The following ZNF469 variants were observed in gnomAD, a reference collection of about 807,000 sequenced individuals.
ZNF469 encodes the protein zinc finger protein 469.
A neutral mutation model predicts 1.0 loss-of-function variants in ZNF469; 1 was observed. That is an observed-to-expected ratio of 1.00 (90% CI 0.35 to 4.73). The LOEUF (loss-of-function observed/expected upper bound fraction) is 4.73. ZNF469 is among the 30% of genes most tolerant of loss of function. The pLI, the probability that ZNF469 is intolerant of heterozygous loss-of-function variation, is 0.16. For synonymous variants in ZNF469, 2,703 were observed against 2,363.4 expected (o/e 1.14, Z -4.17); for missense variants, 6,100 against 5,356.3 (o/e 1.14, Z -4.33).
chr16:88,192,988 ATGGTGG>A, the ZNF469 span, among the ~76,000 whole-genome samples: 4 of 119,450 alleles, frequency 3.3e-5, no homozygotes, highest in Admixed American at 1.6e-4. Context: ...GGTGGTGGTG[ATGGTGG>A]TGGTGGTGAT....
chr16:88,342,430 TC>T, the ZNF469 span, among the ~76,000 whole-genome samples: 2 of 152,000 alleles, frequency 1.3e-5, no homozygotes, highest in Non-Finnish European at 2.9e-5. Context: ...AGCCTCAGAA[TC>T]CTCCTCAGCT....
At chr16:88,401,206 C>T (rs140969383) in intron 1 of ZNF469, among the ~76,000 whole-genome samples, 68 of 152,370 alleles carry the variant, frequency 4.5e-4, no homozygotes, top group African/African-American at 1.5e-3. Flanking sequence ...CTTATCTCTT[C>T]TCCCAGCATT....
At chr16:88,423,656 G>T (rs74032861) in intron 1 of ZNF469, among the ~76,000 whole-genome samples, 6,390 of 152,308 alleles carry the variant, frequency 0.042, 439 homozygotes, top group African/African-American at 0.15. Flanking sequence ...AGGGGCTGCA[G>T]CATCATCCAA....
the ZNF469 span, among the ~76,000 whole-genome samples, chr16:88,372,961 C>T: frequency 1.3e-5 from 2 of 152,206 alleles, no homozygotes; most frequent in South Asian, 2.1e-4. Context: ...TCACCATCAT[C>T]ACCACCATCA....
At chr16:88,123,302 C>T in the ZNF469 span, among the ~76,000 whole-genome samples, 2 of 152,116 alleles carry the variant, frequency 1.3e-5, no homozygotes, top group Admixed American at 1.3e-4. Context: ...AGCGGAGCAT[C>T]GAGGTTTATC....
At chr16:88,105,289 T>C in the ZNF469 span, among the ~76,000 whole-genome samples, 1 of 128,486 alleles carries the variant, frequency 7.8e-6, no homozygotes, top group Non-Finnish European at 1.6e-5. Context: ...CAGCATTTTC[T>C]TTTTTCTTTC....
At chr16:88,401,191 G>A (rs1904842278) in intron 1 of ZNF469, among the ~76,000 whole-genome samples, 1 of 152,156 alleles carries the variant, frequency 6.6e-6, no homozygotes, top group Non-Finnish European at 1.5e-5. Context: ...GCAAGAGAGG[G>A]GCAACTTATC....
the ZNF469 span, among the ~76,000 whole-genome samples, chr16:88,297,769 C>T: frequency 2.6e-4 from 39 of 152,350 alleles, no homozygotes; most frequent in African/African-American, 8.2e-4. Context: ...AGGATCATCT[C>T]GTCTCCAGAA....
the ZNF469 span, among the ~76,000 whole-genome samples, chr16:88,375,390 G>A: frequency 2.0e-5 from 3 of 152,238 alleles, no homozygotes; most frequent in East Asian, 1.9e-4. Flanking sequence ...CGTCTGCTAC[G>A]CTGCCTCTCA....
the ZNF469 span, among the ~76,000 whole-genome samples, chr16:88,371,324 T>C: frequency 1.3e-5 from 2 of 152,210 alleles, no homozygotes; most frequent in Non-Finnish European, 2.9e-5. Flanking sequence ...GAGATGCTAA[T>C]TTATCCTAAA....
chr16:88,439,596 A>G lies in ZNF469; in HGVS notation c.*264A>G, dbSNP rs193210256. 1,320 of 509,524 alleles carry G rather than the reference A, an allele frequency of 2.6e-3. 9 individuals are homozygous for G. Among genetic ancestry groups the G allele is most frequent in the African/African-American group, 0.017 (894 of 51,980 alleles). 31.6% of individuals were successfully genotyped at this position (509,524 alleles called of 1,614,324 possible). On this transcript the variant is annotated 3_prime_UTR_variant, in exon 3 of 3. Transcript: ENST00000565624. ...ACCACACAGCTGTTTTCTTGGTACC[A>G]AGTACTTGAAGAGACAGCAGCCCAT...
the ZNF469 span, among the ~76,000 whole-genome samples, chr16:88,303,889 C>T: frequency 6.6e-6 from 1 of 152,154 alleles, no homozygotes; most frequent in Admixed American, 6.5e-5. Context: ...CACTCAGTGC[C>T]ACACACTCAG....
chr16:88,344,826 C>T, the ZNF469 span, among the ~76,000 whole-genome samples: 5 of 152,206 alleles, frequency 3.3e-5, no homozygotes, highest in African/African-American at 4.8e-5. Context: ...GAACCCGAGT[C>T]TCCTCCCCAA....
At chr16:88,353,259 C>T in the ZNF469 span, among the ~76,000 whole-genome samples, 1,539 of 152,170 alleles carry the variant, frequency 0.01, 28 homozygotes, top group African/African-American at 0.035. Context: ...CCCAATAATG[C>T]GGCTGGAGGG....
chr16:88,399,711 C>T lies in ZNF469; in HGVS notation c.-192+16457C>T, dbSNP rs558696466. Among the ~76,000 whole-genome samples, 6 of 152,382 alleles carry T rather than the reference C, an allele frequency of 3.9e-5. No individual in the cohort carries two copies. The East Asian group carries it at 9.6e-4, about 24-fold the overall frequency. ...GAGGCCCACATATGTGAGCTGCCCCCAGCCTCACTCCTGCAGCCTGAACCA... is the reference window on the plus strand; with the variant it reads ...GAGGCCCACATATGTGAGCTGCCCCTAGCCTCACTCCTGCAGCCTGAACCA... On this transcript the variant is annotated intron_variant, in intron 1 of 2. Coordinates refer to ENST00000565624, the MANE Select transcript of ZNF469 (RefSeq NM_001367624.2).
Position 88,436,807 on chromosome 16 carries a change from G to T in ZNF469, c.9337G>T (p.Ala3113Ser). 1 of 1,540,970 alleles carries T rather than the reference G, an allele frequency of 6.5e-7. No individual in the cohort carries two copies. Reference protein sequence around the residue: ...GRGRPAKGRRASYKCKVCFQR... With the variant: ...GRGRPAKGRRSSYKCKVCFQR... ...AGGCCGGCCGGCCAAGGGCAGGCGGGCCTCCTACAAGTGCAAAGTGTGCTT... is the reference window on the plus strand; with the variant it reads ...AGGCCGGCCGGCCAAGGGCAGGCGGTCCTCCTACAAGTGCAAAGTGTGCTT... Residue 3113 changes from alanine (A) to serine (S), a missense_variant, in exon 3 of 3, where the codon GCC (alanine) becomes TCC (serine). By Grantham distance (99) the Ala-to-Ser change is moderately conservative (BLOSUM62 1). Coordinates refer to ENST00000565624, the MANE Select transcript of ZNF469 (RefSeq NM_001367624.2).
the ZNF469 span, among the ~76,000 whole-genome samples, chr16:88,188,738 C>T: frequency 1.5e-3 from 233 of 152,290 alleles, 1 homozygote; most frequent in African/African-American, 5.2e-3. Context: ...CTGTAGCTCT[C>T]GGGAGCCCAT....
the ZNF469 span, among the ~76,000 whole-genome samples, chr16:88,194,122 G>A: frequency 3.1e-4 from 47 of 152,070 alleles, no homozygotes; most frequent in Admixed American, 3.3e-4. Context: ...TCCCCCCTCC[G>A]CCACACAAAC....
At chr16:88,196,048 G>A in the ZNF469 span, among the ~76,000 whole-genome samples, 1 of 152,182 alleles carries the variant, frequency 6.6e-6, no homozygotes, top group Admixed American at 6.5e-5. Context: ...GTTTTTCCTG[G>A]AGACCTGTGC....
Sources: gnomAD v4.1 joint callset for allele counts (sites outside exome capture counted in the v4.1 genomes callset) on GRCh38, gnomAD v4.1.1 for gene constraint, MANE v1.5 for transcripts, NCBI Gene and HGNC (gene_info 2026-07-23, HGNC 2026-07-21) for gene names.